Variants in OPCML observed in about 807,000 individuals in gnomAD.
OPCML encodes the protein opioid binding protein/cell adhesion molecule like.
Under a neutral mutation model 37.8 loss-of-function variants are expected in OPCML, and 13 were observed. The observed-to-expected ratio is 0.34, with a 90% CI of 0.22 to 0.55. The LOEUF is 0.55. Ranked by LOEUF, OPCML falls within the 20% of genes least tolerant of loss-of-function variation. The pLI, the probability that OPCML is intolerant of heterozygous loss-of-function variation, is 0.91. For synonymous variants in OPCML, 176 were observed against 168.8 expected (o/e 1.04, Z -0.33); for missense variants, 341 against 435.6 (o/e 0.78, Z 1.93).
chr11:132,538,259 C>T (rs1016978314), intron 3 of OPCML, among the ~76,000 whole-genome samples: 1 of 151,994 alleles, frequency 6.6e-6, no homozygotes, highest in African/African-American at 2.4e-5. Flanking sequence ...ATATATGACC[C>T]AATGTGAATG....
chr11:133,112,093 A>G (rs1233216163), intron 1 of OPCML, among the ~76,000 whole-genome samples: 3 of 152,120 alleles, frequency 2.0e-5, no homozygotes, highest in African/African-American at 4.8e-5. Flanking sequence ...CAAATAATGC[A>G]TTTATGTACT....
At chr11:132,746,924 T>C (rs1485364949) in intron 2 of OPCML, among the ~76,000 whole-genome samples, 2 of 152,290 alleles carry the variant, frequency 1.3e-5, no homozygotes, top group East Asian at 3.9e-4. Flanking sequence ...GCTCTGCTGC[T>C]TGCTGACTGT....
At chr11:133,529,662 GAGGCCTAACC>G (rs1948563212) in intron 1 of OPCML, among the ~76,000 whole-genome samples, 1 of 152,224 alleles carries the variant, frequency 6.6e-6, no homozygotes, top group South Asian at 2.1e-4. Flanking sequence ...AAATGGCATT[GAGGCCTAACC>G]AGGTCAAGGT....
At chr11:133,155,305 G>A (rs913154798) in intron 1 of OPCML, among the ~76,000 whole-genome samples, 8 of 152,024 alleles carry the variant, frequency 5.3e-5, no homozygotes, top group African/African-American at 1.2e-4. Context: ...CCTTCATTCC[G>A]TCTATCATCT....
intron 2 of OPCML, among the ~76,000 whole-genome samples, chr11:132,757,837 A>G (rs959257341): frequency 6.6e-6 from 1 of 152,142 alleles, no homozygotes; most frequent in Non-Finnish European, 1.5e-5. Context: ...TTTTGTTGCC[A>G]CTGCTTTTGG....
chr11:133,001,988 T>C (rs1316897619), intron 1 of OPCML, among the ~76,000 whole-genome samples: 1 of 152,182 alleles, frequency 6.6e-6, no homozygotes, highest in Non-Finnish European at 1.5e-5. Flanking sequence ...GGAATTGAAC[T>C]TAACTTTTGA....
intron 1 of OPCML, among the ~76,000 whole-genome samples, chr11:133,203,219 A>G (rs1231944981): frequency 2.0e-5 from 3 of 152,240 alleles, no homozygotes; most frequent in African/African-American, 7.2e-5. Flanking sequence ...CAAGCAAGTT[A>G]CTCAATCTCT....
chr11:133,001,709 C>T (rs886423241), intron 1 of OPCML, among the ~76,000 whole-genome samples: 1 of 152,158 alleles, frequency 6.6e-6, no homozygotes, highest in Non-Finnish European at 1.5e-5. Context: ...AAGTGGAGAC[C>T]AATGAGGGAA....
chr11:132,710,544 T>A (rs1301515366), intron 2 of OPCML, among the ~76,000 whole-genome samples: 2 of 152,134 alleles, frequency 1.3e-5, no homozygotes, highest in Non-Finnish European at 2.9e-5. Context: ...ATGGTGAGCT[T>A]TCATATTGAC....
At chr11:132,717,605 A>G (rs543771213) in intron 2 of OPCML, among the ~76,000 whole-genome samples, 2 of 152,228 alleles carry the variant, frequency 1.3e-5, no homozygotes, top group African/African-American at 2.4e-5. Context: ...ATATTTTTCA[A>G]ATTTTCTAAG....
rs1941876964 is a variant in OPCML, at chr11:132,852,879, T to C, written c.146+90047A>G. On this transcript the variant is annotated intron_variant, in intron 2 of 7. Transcript: ENST00000524381. ...ATGGCAAATTTGAACTGAGATCTTT[T>C]ATTGAAAAAATTTTAAAAGGTTGTT... 5.3e-5 allele frequency among the ~76,000 whole-genome samples: 8 copies of C among 151,508 alleles called. No individual in the cohort carries two copies. The South Asian group carries it at 6.3e-4, about 12-fold the overall frequency.
chr11:133,215,755 A>G (rs1330634453), intron 1 of OPCML, among the ~76,000 whole-genome samples: 1 of 152,078 alleles, frequency 6.6e-6, no homozygotes, highest in Admixed American at 6.5e-5. Context: ...TGGGAAGGGA[A>G]GGCCTTCCAC....
chr11:132,739,012 C>A (rs1473968626), intron 2 of OPCML, among the ~76,000 whole-genome samples: 1 of 152,026 alleles, frequency 6.6e-6, no homozygotes, highest in East Asian at 1.9e-4. Flanking sequence ...AACCCCAGCA[C>A]GTTTGCGTAA....
chr11:133,424,459 T>G (rs924416670), intron 1 of OPCML, among the ~76,000 whole-genome samples: 17 of 152,232 alleles, frequency 1.1e-4, no homozygotes, highest in African/African-American at 3.9e-4. Context: ...CATTCAGGCA[T>G]AGGTACTATA....
chr11:133,257,840 C>G (rs1246168509), intron 1 of OPCML, among the ~76,000 whole-genome samples: 2 of 147,164 alleles, frequency 1.4e-5, no homozygotes, highest in Admixed American at 1.5e-4. Flanking sequence ...CCTTCCTTGT[C>G]TTTCTATCTT....
chr11:132,809,913 G>T (rs1038675411), intron 2 of OPCML, among the ~76,000 whole-genome samples: 1 of 152,088 alleles, frequency 6.6e-6, no homozygotes, highest in Non-Finnish European at 1.5e-5. Context: ...GCAGTGGCGC[G>T]ATCTCGGCTC....
At chr11:132,776,356 A>AGACTGTAG (rs1225090595) in intron 2 of OPCML, among the ~76,000 whole-genome samples, 1 of 152,130 alleles carries the variant, frequency 6.6e-6, no homozygotes. Flanking sequence ...CATTTCACAA[A>AGACTGTAG]CGAAGACTGT....
chr11:133,269,016 C>T (rs150102195), intron 1 of OPCML, among the ~76,000 whole-genome samples: 99 of 152,274 alleles, frequency 6.5e-4, no homozygotes, highest in African/African-American at 2.3e-3. Context: ...TGCTCCAGGA[C>T]AGCTGGTGGC....
chr11:132,867,260 G>C (rs1343020267), intron 2 of OPCML, among the ~76,000 whole-genome samples: 2 of 152,166 alleles, frequency 1.3e-5, no homozygotes, highest in Non-Finnish European at 2.9e-5. Context: ...GGTGAGAAGA[G>C]TGGCGCTGGG....
Sources: allele counts gnomAD v4.1 joint callset (sites outside exome capture counted in the v4.1 genomes callset), GRCh38; gene constraint gnomAD v4.1.1; transcripts MANE v1.5; gene names NCBI Gene and HGNC (gene_info 2026-07-23, HGNC 2026-07-21).